The following FSTL5 variants were observed in gnomAD, a reference collection of about 807,000 sequenced individuals.
The protein encoded by FSTL5 is follistatin like 5.
In FSTL5, 62 loss-of-function variants were observed where a neutral mutation model predicts 89.1. The ratio of observed to expected loss-of-function variants is 0.70; its 90% CI spans 0.57 to 0.86. The LOEUF (loss-of-function observed/expected upper bound fraction) is 0.86. Ranked by LOEUF, FSTL5 falls within the 40% of genes least tolerant of loss-of-function variation. The pLI is 0.00. For synonymous variants in FSTL5, 383 were observed against 346.2 expected, an observed-to-expected ratio of 1.11 and a Z score of -1.18; for missense variants, 1,057 against 1,001.6, an observed-to-expected ratio of 1.06 and a Z score of -0.75.
intron 7 of FSTL5, among the ~76,000 whole-genome samples, chr4:161,620,082 C>G (rs938388620): frequency 1.3e-5 from 2 of 150,484 alleles, no homozygotes; most frequent in African/African-American, 2.5e-5. Flanking sequence ...AGTAAACTAT[C>G]GCAAGAAGAA....
intron 10 of FSTL5, among the ~76,000 whole-genome samples, chr4:161,536,428 T>A (rs1314587210): frequency 6.6e-6 from 1 of 152,118 alleles, no homozygotes; most frequent in Admixed American, 6.6e-5. Context: ...CCACCCGATT[T>A]TGGTTTTCTT....
intron 2 of FSTL5, among the ~76,000 whole-genome samples, chr4:162,053,408 A>G (rs1408948323): frequency 6.6e-6 from 1 of 151,806 alleles, no homozygotes; most frequent in Non-Finnish European, 1.5e-5. Context: ...GAAGCGCTTC[A>G]TCTTTGAGAA....
At chr4:161,576,725 A>C (rs72687555) in intron 8 of FSTL5, among the ~76,000 whole-genome samples, 10,689 of 152,280 alleles carry the variant, frequency 0.07, 478 homozygotes, top group Middle Eastern at 0.17. Context: ...TTCAACAAAC[A>C]AAAAGAGAAA....
chr4:162,159,909 G>A (rs1733628589), intron 1 of FSTL5, among the ~76,000 whole-genome samples: 1 of 151,892 alleles, frequency 6.6e-6, no homozygotes, highest in African/African-American at 2.4e-5. Context: ...AAACTGGTAT[G>A]TGCACAAGCA....
intron 4 of FSTL5, among the ~76,000 whole-genome samples, chr4:161,805,536 A>G (rs183519560): frequency 6.6e-6 from 1 of 152,244 alleles, no homozygotes; most frequent in East Asian, 1.9e-4. Context: ...GACAAGAATG[A>G]CATCCAGATT....
intron 6 of FSTL5, among the ~76,000 whole-genome samples, chr4:161,733,366 T>C (rs943486768): frequency 2.6e-5 from 4 of 152,086 alleles, no homozygotes; most frequent in Non-Finnish European, 5.9e-5. Flanking sequence ...GCAGAACTTA[T>C]AAGTCCTAGT....
chr4:161,798,009 T>C (rs941624455), intron 4 of FSTL5, among the ~76,000 whole-genome samples: 6 of 151,684 alleles, frequency 4.0e-5, no homozygotes, highest in African/African-American at 1.4e-4. Flanking sequence ...AGACCTCATT[T>C]ATCCCATGCT....
intron 4 of FSTL5, among the ~76,000 whole-genome samples, chr4:161,825,215 C>A (rs1470569537): frequency 1.3e-5 from 2 of 152,166 alleles, no homozygotes; most frequent in Non-Finnish European, 1.5e-5. Context: ...GTATGTGAAA[C>A]CATCCCTGCA....
At position 162,038,816 on chromosome 4, in the gene FSTL5, T is replaced by C. The variant is rs146101983; in HGVS notation, c.127-5158A>G. Among the ~76,000 whole-genome samples, 407 of 151,946 alleles carry C rather than the reference T, an allele frequency of 2.7e-3. 2 individuals carry two copies. The highest frequency in any genetic ancestry group is 9.5e-3 in the African/African-American group (393 of 41,554). ...CCTTCTCACTGAGAAGCAAATGCTC[T>C]CTGGAAAGTGAAGAAATCATCTAAA... On this transcript the variant is annotated intron_variant, in intron 2 of 15. Coordinates refer to ENST00000306100, the MANE Select transcript of FSTL5 (RefSeq NM_020116.5).
At chr4:161,514,174 A>C (rs1361151570) in intron 10 of FSTL5, among the ~76,000 whole-genome samples, 1 of 152,052 alleles carries the variant, frequency 6.6e-6, no homozygotes, top group Admixed American at 6.6e-5. Context: ...ATTAACATAC[A>C]CCAGAATAAT....
At chr4:161,660,862 T>G (rs1560776123) in intron 6 of FSTL5, among the ~76,000 whole-genome samples, 2 of 152,320 alleles carry the variant, frequency 1.3e-5, no homozygotes, top group South Asian at 4.1e-4. Context: ...ATTTTGTTTA[T>G]CCAGTGTATC....
At chr4:162,105,883 C>A (rs183691208) in intron 2 of FSTL5, among the ~76,000 whole-genome samples, 1 of 152,242 alleles carries the variant, frequency 6.6e-6, no homozygotes, top group African/African-American at 2.4e-5. Context: ...ACGTCAGAAG[C>A]GATAGCAAAT....
intron 12 of FSTL5, among the ~76,000 whole-genome samples, chr4:161,490,519 G>A (rs958278185): frequency 1.3e-5 from 2 of 152,076 alleles, no homozygotes; most frequent in Admixed American, 1.3e-4. Flanking sequence ...ATTCAGTACA[G>A]TATATCACTT....
At chr4:162,055,765 A>T (rs1297567518) in intron 2 of FSTL5, among the ~76,000 whole-genome samples, 1 of 151,944 alleles carries the variant, frequency 6.6e-6, no homozygotes, top group East Asian at 1.9e-4. Context: ...GAATAGGCAG[A>T]TAGACAGATT....
intron 4 of FSTL5, among the ~76,000 whole-genome samples, chr4:161,778,914 A>G (rs1741519707): frequency 1.3e-5 from 2 of 152,220 alleles, no homozygotes; most frequent in South Asian, 4.1e-4. Flanking sequence ...ATTATACACC[A>G]TTCCAATAGC....
intron 2 of FSTL5, among the ~76,000 whole-genome samples, chr4:162,048,275 G>A (rs531556855): frequency 1.2e-4 from 18 of 151,984 alleles, no homozygotes; most frequent in African/African-American, 3.1e-4. Flanking sequence ...TGCAGTGAGC[G>A]GCGATGGTGT....
intron 7 of FSTL5, among the ~76,000 whole-genome samples, chr4:161,641,652 C>G (rs560408779): frequency 1.3e-5 from 2 of 152,048 alleles, no homozygotes; most frequent in South Asian, 4.2e-4. Context: ...CCCCCACGCC[C>G]AGATAATTTT....
intron 4 of FSTL5, among the ~76,000 whole-genome samples, chr4:161,813,160 G>A (rs1730217271): frequency 6.6e-6 from 1 of 151,850 alleles, no homozygotes; most frequent in African/African-American, 2.4e-5. Flanking sequence ...CCAAGCAGCT[G>A]GGACTACAGG....
intron 4 of FSTL5, among the ~76,000 whole-genome samples, chr4:161,854,417 C>T (rs1731656554): frequency 6.6e-6 from 1 of 151,994 alleles, no homozygotes; most frequent in African/African-American, 2.4e-5. Flanking sequence ...CTGTGAAGTC[C>T]CTACATGATA....
Sources: allele counts gnomAD v4.1 joint callset (sites outside exome capture counted in the v4.1 genomes callset), GRCh38; gene constraint gnomAD v4.1.1; transcripts MANE v1.5; gene names NCBI Gene and HGNC (gene_info 2026-07-23, HGNC 2026-07-21).